FAF1: variants seen among roughly 807,000 people sequenced by gnomAD.
The protein encoded by FAF1 is Fas associated factor 1.
A neutral mutation model predicts 92.5 loss-of-function variants in FAF1; 25 were observed. The observed-to-expected ratio is 0.27, with a 90% confidence interval of 0.20 to 0.38. The LOEUF is 0.38. FAF1 is among the 10% of genes least tolerant of loss of function. The pLI is 1.00. For synonymous variants in FAF1, 234 were observed against 273.2 expected (o/e 0.86, Z 1.42); for missense variants, 636 against 793.3 (o/e 0.80, Z 2.38).
chr1:50,856,346 CAA>C (rs1213671349), intron 2 of FAF1, among the ~76,000 whole-genome samples: 1 of 151,904 alleles, frequency 6.6e-6, no homozygotes, highest in East Asian at 1.9e-4. Flanking sequence ...AAAGAAGACT[CAA>C]GACAAGAAAC....
intron 4 of FAF1, among the ~76,000 whole-genome samples, chr1:50,763,866 AACC>A (rs386631104): frequency 6.6e-6 from 1 of 152,212 alleles, no homozygotes; most frequent in Non-Finnish European, 1.5e-5. Context: ...ACTTTTAAGA[AACC>A]ACCATTTCCC....
At chr1:50,534,389 T>A (rs1270200127) in intron 15 of FAF1, among the ~76,000 whole-genome samples, 1 of 152,170 alleles carries the variant, frequency 6.6e-6, no homozygotes, top group Non-Finnish European at 1.5e-5. Flanking sequence ...CAAGCGATTA[T>A]CCTGCCTCTC....
In FAF1 at chr1:50,583,430, C is replaced by T. The variant is rs948836965; in HGVS notation, c.1031+222G>A. Among the ~76,000 whole-genome samples, 31 of 151,794 alleles carry T rather than the reference C, an allele frequency of 2.0e-4. 1 individual carries two copies. The highest frequency in any genetic ancestry group is 7.0e-4 in the African/African-American group (29 of 41,400). ...ATTAAATTAGGATCCATTTATTGAACGTCCATAAACATACAGAAATAAGTT... is the reference window on the plus strand; with the variant it reads ...ATTAAATTAGGATCCATTTATTGAATGTCCATAAACATACAGAAATAAGTT... On this transcript the variant is annotated intron_variant, in intron 11 of 18. Coordinates refer to ENST00000396153, the MANE Select transcript of FAF1 (RefSeq NM_007051.3). The surrounding 1 kb of genome is among the most constrained non-coding windows in gnomAD (Gnocchi z 4.2).
At chr1:50,562,254 C>G (rs1649953583) in intron 13 of FAF1, among the ~76,000 whole-genome samples, 1 of 152,142 alleles carries the variant, frequency 6.6e-6, no homozygotes, top group African/African-American at 2.4e-5. Flanking sequence ...TCACTGTCTG[C>G]CTGTAGACAT....
Position 50,539,486 on chromosome 1 carries a change from A to G in FAF1, c.1405+106T>C, listed in dbSNP as rs868498112. The stretch of plus-strand genomic sequence containing the variant: ...ATTTTTCAGGATATTCTATATTTTC[A>G]AATGCAAAGATATTTACTAATAGAA... On this transcript the variant is annotated intron_variant, in intron 14 of 18. Transcript: ENST00000396153. The G allele has an allele frequency of 9.1e-5, 65 of 712,102 alleles. No individual in the cohort carries two copies. The African/African-American group carries it at 1.1e-3, about 12-fold the overall frequency. 44.1% of individuals were successfully genotyped at this position (712,102 alleles called of 1,614,324 possible). A position where few individuals can be genotyped will look rare whatever the true frequency, so the allele number is the denominator to read the frequency against.
intron 8 of FAF1, among the ~76,000 whole-genome samples, chr1:50,601,550 C>T (rs1330178497): frequency 6.6e-6 from 1 of 151,948 alleles, no homozygotes; most frequent in Non-Finnish European, 1.5e-5. Context: ...GGCATGGTGG[C>T]GGGAGCCTGT....
intron 13 of FAF1, among the ~76,000 whole-genome samples, chr1:50,561,848 C>CGGAA (rs373578502): frequency 0.16 from 20,322 of 128,336 alleles, 1,573 homozygotes; most frequent in Middle Eastern, 0.27. Context: ...GACGGATGGA[C>CGGAA]GGAAGGAAGG....
chr1:50,476,702 T>C (rs1646643118), intron 17 of FAF1, among the ~76,000 whole-genome samples: 1 of 152,126 alleles, frequency 6.6e-6, no homozygotes. Flanking sequence ...TCGTATGCCA[T>C]TATAAATTAA....
intron 7 of FAF1, among the ~76,000 whole-genome samples, chr1:50,678,339 G>T (rs1289007413): frequency 6.6e-6 from 1 of 152,164 alleles, no homozygotes; most frequent in Non-Finnish European, 1.5e-5. Context: ...CTAAAGTCTA[G>T]AGTTAGTTTT....
At chr1:50,539,867 T>C (rs1648678562) in intron 13 of FAF1, 139 bp from the exon 14 acceptor site, 1 of 627,710 alleles carries the variant, frequency 1.6e-6, no homozygotes, top group African/African-American at 1.9e-5. Flanking sequence ...AATCTTGCTA[T>C]ATTGAGTTTT....
chr1:50,604,779 C>A (rs1027030304), intron 8 of FAF1, among the ~76,000 whole-genome samples: 7 of 152,162 alleles, frequency 4.6e-5, no homozygotes, highest in Admixed American at 2.6e-4. Context: ...CCCCTTTTGG[C>A]CTCTCAAAGT....
intron 1 of FAF1, among the ~76,000 whole-genome samples, chr1:50,946,071 A>C (rs2124758103): frequency 6.6e-6 from 1 of 152,358 alleles, no homozygotes; most frequent in Non-Finnish European, 1.5e-5. Context: ...TTTCCTCCAG[A>C]GGACGGGCTG....
chr1:50,841,269 G>T (rs978508540), intron 2 of FAF1, among the ~76,000 whole-genome samples: 1 of 151,940 alleles, frequency 6.6e-6, no homozygotes, highest in African/African-American at 2.4e-5. Context: ...CAACATTTAC[G>T]TATTTTCTCT....
chr1:50,799,611 T>C (rs918870489), intron 3 of FAF1, among the ~76,000 whole-genome samples: 1 of 152,106 alleles, frequency 6.6e-6, no homozygotes, highest in Admixed American at 6.6e-5. Context: ...ATCAGTGAGG[T>C]GGGTATTTAT....
chr1:50,907,096 T>C (rs528858572), intron 1 of FAF1, among the ~76,000 whole-genome samples: 13 of 152,354 alleles, frequency 8.5e-5, no homozygotes, highest in South Asian at 2.1e-4. Context: ...TGAAGGGCTA[T>C]AGAATTTTGT....
At chr1:50,528,326 T>A (rs185873163) in intron 15 of FAF1, among the ~76,000 whole-genome samples, 115 of 152,312 alleles carry the variant, frequency 7.6e-4, no homozygotes, top group African/African-American at 2.5e-3. Context: ...AGCAATAGAT[T>A]TTTTACTTTA....
At position 50,693,851 on chromosome 1, in the gene FAF1, C is replaced by T. The variant is rs570686440; in HGVS notation, c.657+11935G>A. On this transcript the variant is annotated intron_variant, in intron 7 of 18. Transcript: ENST00000396153. ...ACATAAATGGTTCAATTGAAGCACA[C>T]GAGATTTCTAAATTCCCACATAATG... Among the ~76,000 whole-genome samples, 3 of 152,024 alleles carry T rather than the reference C, an allele frequency of 2.0e-5. No individual in the cohort carries two copies. In the South Asian group the frequency reaches 6.2e-4, roughly 32 times the overall value.
chr1:50,816,338 G>A (rs1643975198), intron 2 of FAF1, among the ~76,000 whole-genome samples: 1 of 151,390 alleles, frequency 6.6e-6, no homozygotes, highest in Non-Finnish European at 1.5e-5. Context: ...CCGAGTAGCT[G>A]GGAGTACAGG....
intron 18 of FAF1, among the ~76,000 whole-genome samples, chr1:50,458,652 G>A (rs1646386211): frequency 6.6e-6 from 1 of 152,204 alleles, no homozygotes; most frequent in African/African-American, 2.4e-5. Context: ...CGCATACAAT[G>A]ATGGGTTTTC....
Sources: allele counts gnomAD v4.1 joint callset (sites outside exome capture counted in the v4.1 genomes callset), GRCh38; gene constraint gnomAD v4.1.1; non-coding constraint Gnocchi (gnomAD v3.1); transcripts MANE v1.5; gene names NCBI Gene and HGNC (gene_info 2026-07-23, HGNC 2026-07-21).